PTPRS: variants seen among roughly 807,000 people sequenced by gnomAD.
The protein encoded by PTPRS is receptor-type tyrosine-protein phosphatase S.
PTPRS carries 63 observed loss-of-function variants against 215.3 expected under a neutral mutation model. That is an observed-to-expected ratio of 0.29 (90% CI 0.24 to 0.36). The LOEUF (loss-of-function observed/expected upper bound fraction) is 0.36. Among genes scored for constraint, PTPRS ranks in the 10% least tolerant of loss-of-function variants. The probability of loss-of-function intolerance (pLI) is 1.00; values close to 1 mark genes in which losing one functional copy is unlikely to be tolerated. For missense variants in PTPRS, 2,258 were observed against 2,825.8 expected (o/e 0.80, Z 4.56); for synonymous variants, 1,404 against 1,191.4 (o/e 1.18, Z -3.68).
chr19:5,215,638 G>T (rs1486337750), intron 26 of PTPRS, 43 bp from the exon 27 acceptor site: 1 of 1,440,858 alleles, frequency 6.9e-7, no homozygotes. Flanking sequence ...TCACTTGGGG[G>T]GCCAGCCGGG....
rs181869414 is a variant in PTPRS, at chr19:5,276,244, G to A, written c.92-1900C>T. ...TTTTGTTTTTGTTTTTGTTTTTTGAGATGAAGTGTTGCTCTGTCACCAGGC... is the reference window on the plus strand; with the variant it reads ...TTTTGTTTTTGTTTTTGTTTTTTGAAATGAAGTGTTGCTCTGTCACCAGGC... On this transcript the variant is annotated intron_variant, in intron 2 of 37. Coordinates refer to ENST00000262963, the MANE Select transcript of PTPRS (RefSeq NM_002850.4). 4.6e-5 allele frequency among the ~76,000 whole-genome samples: 7 copies of A among 152,244 alleles called. No homozygotes were observed. The East Asian group carries it at 1.2e-3, about 25-fold the overall frequency.
chr19:5,290,706 T>C (rs2048742593), intron 1 of PTPRS, among the ~76,000 whole-genome samples: 1 of 151,780 alleles, frequency 6.6e-6, no homozygotes, highest in Non-Finnish European at 1.5e-5. Flanking sequence ...TCAGGGGCCA[T>C]CCCATGGCCC....
At chr19:5,292,142 G>A (rs2048871406) in intron 1 of PTPRS, among the ~76,000 whole-genome samples, 1 of 152,126 alleles carries the variant, frequency 6.6e-6, no homozygotes, top group African/African-American at 2.4e-5. Context: ...TCAACCCCCT[G>A]GATGGAAGCC....
Position 5,294,064 on chromosome 19 carries a change from C to T in PTPRS, c.-94-7830G>A, listed in dbSNP as rs981090056. On this transcript the variant is annotated intron_variant, in intron 1 of 37. Transcript: ENST00000262963. The surrounding 1 kb of genome is among the most constrained non-coding windows in gnomAD (Gnocchi z 5.1). ...CCAGCGGGACCTGGGGGTCTGGGGA[C>T]GGGACAGGGGCAGAGGCCGGGATGG... Among the ~76,000 whole-genome samples the T allele has an allele frequency of 6.6e-6, 1 of 151,784 alleles. No individual in the cohort carries two copies. Among genetic ancestry groups the T allele is most frequent in the Admixed American group, 6.6e-5 (1 of 15,238 alleles).
At position 5,220,855 on chromosome 19, in the gene PTPRS, T is replaced by C. The variant is rs867049899; in HGVS notation, c.3455+145A>G. On this transcript the variant is annotated intron_variant, in intron 20 of 37. Coordinates refer to ENST00000262963, the MANE Select transcript of PTPRS (RefSeq NM_002850.4). Reference sequence around the variant, plus strand: ...AATGACCCATGAGAAGCATTGAATCTTGGATGACCCCATGAACTAGGGCTG... The same window carrying C: ...AATGACCCATGAGAAGCATTGAATCCTGGATGACCCCATGAACTAGGGCTG... The C allele has an allele frequency of 3.9e-5, 38 of 967,860 alleles. No individual in the cohort carries two copies. In the Middle Eastern group the frequency reaches 1.2e-3, roughly 29 times the overall value. The allele number at this position is 967,860 out of a possible 1,614,324, so 60.0% of individuals were successfully genotyped here. A position where few individuals can be genotyped will look rare whatever the true frequency, so the allele number is the denominator to read the frequency against.
intron 1 of PTPRS, among the ~76,000 whole-genome samples, chr19:5,304,594 A>T (rs992161926): frequency 3.0e-4 from 45 of 152,216 alleles, no homozygotes; most frequent in African/African-American, 9.9e-4. Flanking sequence ...GGTTGCAGTG[A>T]GCTGCGATCA....
intron 9 of PTPRS, 49 bp from the exon 10 acceptor site, chr19:5,246,094 G>T (rs2044458099): frequency 8.1e-7 from 1 of 1,237,120 alleles, no homozygotes; most frequent in Non-Finnish European, 1.1e-6. Context: ...GAGGGGTGAG[G>T]TGGGGTGAGG....
chr19:5,206,145 G>A lies in PTPRS; in HGVS notation c.*629C>T, dbSNP rs944064898. 2.0e-5 allele frequency among the ~76,000 whole-genome samples: 3 copies of A among 149,882 alleles called. No homozygotes were observed. The highest frequency in any genetic ancestry group is 7.4e-5 in the African/African-American group (3 of 40,648). ...GCGAACGTAACTATCACACAAGGAC[G>A]CTTTCTACAGTGAAAAAATAGACTG... On this transcript the variant is annotated 3_prime_UTR_variant, in exon 38 of 38. Coordinates refer to ENST00000262963, the MANE Select transcript of PTPRS (RefSeq NM_002850.4).
At chr19:5,212,984 C>A (rs554826159) in intron 30 of PTPRS, among the ~76,000 whole-genome samples, 1 of 152,254 alleles carries the variant, frequency 6.6e-6, no homozygotes, top group East Asian at 1.9e-4. Flanking sequence ...ATCTGGCCTT[C>A]TCCCCAAACC....
chr19:5,218,362 TTCTCCCCAGCTA>T lies in PTPRS; in HGVS notation c.4048+46_4048+57del, dbSNP rs2041675231. On this transcript the variant is annotated intron_variant, in intron 25 of 37. Transcript: ENST00000262963. ...GGGCCCCCAGGGTGGCAGCTACTGCTTCTCCCCAGCTATCTCCCCTGTTGGTGGCATCCCTGG... is the reference window on the plus strand; with the variant it reads ...GGGCCCCCAGGGTGGCAGCTACTGCTTCTCCCCTGTTGGTGGCATCCCTGG... 2.0e-6 allele frequency: 3 copies of T among 1,514,522 alleles called. No individual in the cohort carries two copies. The African/African-American group carries it at 4.1e-5, about 21-fold the overall frequency. The allele number at this position is 1,514,522 out of a possible 1,614,324, so 93.8% of individuals were successfully genotyped here.
rs2042105885 is a variant in PTPRS at position 5,222,707 on chromosome 19, T to C, written c.3085A>G (p.Thr1029Ala). ...GPFSPPVRYRTFLRDQVSPKN... is the reference protein window; with the variant it reads ...GPFSPPVRYRAFLRDQVSPKN... Reference sequence around the variant, plus strand: ...CGCCTACCTTGGTCCCGCAGGAACGTCCGGTAGCGGACGGGGGGGCTGAAG... The same window carrying C: ...CGCCTACCTTGGTCCCGCAGGAACGCCCGGTAGCGGACGGGGGGGCTGAAG... The change falls in exon 18 of 38, where the codon ACG becomes GCG. Residue 1029 changes from threonine to alanine, a missense_variant. Thr to Ala is a moderately conservative substitution (Grantham distance 58, BLOSUM62 0). Coordinates refer to ENST00000262963, the MANE Select transcript of PTPRS (RefSeq NM_002850.4). The C allele has an allele frequency of 1.3e-6, 2 of 1,591,810 alleles. No individual in the cohort carries two copies. The highest frequency in any genetic ancestry group is 1.7e-6 in the Non-Finnish European group (2 of 1,175,388).
At position 5,211,737 on chromosome 19, in the gene PTPRS, C is replaced by A. The variant is rs377152398; in HGVS notation, c.5087G>T (p.Arg1696Leu). 2 of 1,613,958 alleles carry A rather than the reference C, an allele frequency of 1.2e-6. No homozygotes were observed. The highest frequency in any genetic ancestry group is 1.7e-5 in the Admixed American group (1 of 60,016). The change falls in exon 33 of 38, where the codon CGC becomes CTC. Residue 1696 changes from arginine to leucine, a missense_variant. By Grantham distance (102) the Arg-to-Leu change is moderately radical. Transcript: ENST00000262963. ...RLANSKAHTS[R>L]FISANLPCNK... is the part of the protein sequence containing the mutation. ...ACAAGGCAGATTGGCACTGATGAAG[C>A]GTGACGTGTGGGCCTTGGAGTTAGC...
chr19:5,309,220 G>A (rs769036373), intron 1 of PTPRS, among the ~76,000 whole-genome samples: 3 of 152,188 alleles, frequency 2.0e-5, no homozygotes, highest in Non-Finnish European at 4.4e-5. Flanking sequence ...TTGAGCCTGT[G>A]CCACGTGCTG....
At chr19:5,233,725 C>T (rs976215294) in intron 13 of PTPRS, among the ~76,000 whole-genome samples, 2 of 150,952 alleles carry the variant, frequency 1.3e-5, no homozygotes, top group Non-Finnish European at 2.9e-5. Context: ...GGGTGGATCA[C>T]GAGGTCAGGA....
At chr19:5,285,419 C>G (rs549822099) in intron 2 of PTPRS, among the ~76,000 whole-genome samples, 13 of 152,366 alleles carry the variant, frequency 8.5e-5, no homozygotes, top group African/African-American at 3.1e-4. Context: ...CATCTCTAAA[C>G]TATACCAACC....
At chr19:5,285,194 A>G (rs2048240069) in intron 2 of PTPRS, among the ~76,000 whole-genome samples, 3 of 152,204 alleles carry the variant, frequency 2.0e-5, no homozygotes, top group African/African-American at 7.2e-5. Flanking sequence ...CTGAGCCACT[A>G]GCCCGGGGTT....
chr19:5,211,642 G>T lies in PTPRS; in HGVS notation c.5182C>A (p.Arg1728=). 6.2e-7 allele frequency: 1 copy of T among 1,613,956 alleles called. No individual in the cohort carries two copies. The highest frequency in any genetic ancestry group is 8.5e-7 in the Non-Finnish European group (1 of 1,179,914). Residue 1728 remains arginine, a synonymous_variant, in exon 33 of 38, where the codon CGG becomes AGG. Transcript: ENST00000262963. ...ESTRVCLQPI[R]GVEGSDYINA... ...ATGTAGTCAGAGCCCTCCACACCCC[G>T]GATGGGTTGCAGACAGACCCGTGTG...
chr19:5,230,796 A>C (rs1032232262), intron 14 of PTPRS, among the ~76,000 whole-genome samples: 1 of 152,054 alleles, frequency 6.6e-6, no homozygotes, highest in African/African-American at 2.4e-5. Context: ...GGTGTCTGTC[A>C]TTTCTCTCCA....
chr19:5,235,797 T>C (rs1014830488), intron 13 of PTPRS, among the ~76,000 whole-genome samples: 4 of 152,192 alleles, frequency 2.6e-5, no homozygotes, highest in African/African-American at 9.7e-5. Context: ...TATGTTAAGG[T>C]CTTTGCTGAA....
Sources: gnomAD v4.1 joint callset for allele counts (sites outside exome capture counted in the v4.1 genomes callset) on GRCh38, gnomAD v4.1.1 for gene constraint, Gnocchi (gnomAD v3.1) non-coding constraint, MANE v1.5 for transcripts, NCBI Gene and HGNC (gene_info 2026-07-23, HGNC 2026-07-21) for gene names.